The following FGF18 variants were observed in gnomAD, a reference collection of about 807,000 sequenced individuals.
FGF18 encodes the protein fibroblast growth factor 18.
In FGF18, 5 loss-of-function variants were observed where a neutral mutation model predicts 23.0. That is an observed-to-expected ratio of 0.22 (90% CI 0.11 to 0.46). FGF18 has a LOEUF of 0.46. Among genes scored for constraint, FGF18 ranks in the 20% least tolerant of loss-of-function variants. The pLI is 0.99. For missense variants in FGF18, 180 were observed against 291.6 expected (o/e 0.62, Z 2.79); for synonymous variants, 117 against 118.9 (o/e 0.98, Z 0.10).
intron 3 of FGF18, among the ~76,000 whole-genome samples, chr5:171,445,389 C>T (rs1453138442): frequency 1.3e-5 from 2 of 152,278 alleles, no homozygotes; most frequent in South Asian, 2.1e-4. Flanking sequence ...GATGGAGTCT[C>T]ACTCTTTCGC....
At chr5:171,454,480 C>T (rs972192478) in intron 4 of FGF18, among the ~76,000 whole-genome samples, 3 of 152,202 alleles carry the variant, frequency 2.0e-5, no homozygotes, top group Non-Finnish European at 2.9e-5. Context: ...TCGCTGCTCA[C>T]GCCACCCATA....
At position 171,420,114 on chromosome 5, in the gene FGF18, G is replaced by T; in HGVS notation, c.-86G>T. 1 of 1,172,952 alleles carries T rather than the reference G, an allele frequency of 8.5e-7. No homozygotes were observed. Among genetic ancestry groups the T allele is most frequent in the Non-Finnish European group, 1.1e-6 (1 of 920,236 alleles). 72.7% of individuals were successfully genotyped at this position (1,172,952 alleles called of 1,614,324 possible). Reference sequence around the variant, plus strand: ...AGCAGCAGCGGCGGCGGCGGCGGCGGCGGCGGCGGAGGCGCCCGGTCCCGG... The same window carrying T: ...AGCAGCAGCGGCGGCGGCGGCGGCGTCGGCGGCGGAGGCGCCCGGTCCCGG... On this transcript the variant is annotated 5_prime_UTR_variant, in exon 1 of 5. Transcript: ENST00000274625.
intron 4 of FGF18, among the ~76,000 whole-genome samples, chr5:171,454,471 C>A (rs1468519484): frequency 6.6e-6 from 1 of 152,196 alleles, no homozygotes; most frequent in Non-Finnish European, 1.5e-5. Context: ...AGTAGACCTT[C>A]GCTGCTCACG....
chr5:171,439,767 C>T (rs1256030832), intron 3 of FGF18, among the ~76,000 whole-genome samples: 2 of 152,122 alleles, frequency 1.3e-5, no homozygotes, highest in Non-Finnish European at 2.9e-5. Flanking sequence ...GCCAGCTGAG[C>T]CCACACGCAG....
chr5:171,454,973 C>T (rs1251039253), intron 4 of FGF18, among the ~76,000 whole-genome samples: 1 of 152,266 alleles, frequency 6.6e-6, no homozygotes, highest in Non-Finnish European at 1.5e-5. Flanking sequence ...CTGTCGGGAA[C>T]AGCTGCCGTT....
intron 4 of FGF18, among the ~76,000 whole-genome samples, chr5:171,454,088 G>A (rs1454788294): frequency 2.0e-5 from 3 of 152,144 alleles, no homozygotes; most frequent in African/African-American, 7.2e-5. Flanking sequence ...TTGGGGCATG[G>A]GGAGGAGAAA....
chr5:171,442,466 G>A (rs1325138237), intron 3 of FGF18, among the ~76,000 whole-genome samples: 1 of 152,212 alleles, frequency 6.6e-6, no homozygotes, highest in Non-Finnish European at 1.5e-5. Context: ...AGAGCAGCCA[G>A]CAGCTCTGTC....
Position 171,456,776 on chromosome 5 carries a change from C to T in FGF18, c.595C>T (p.Arg199Cys), listed in dbSNP as rs772362026. The T allele has an allele frequency of 9.3e-6, 15 of 1,613,876 alleles. No individual in the cohort carries two copies. The highest frequency in any genetic ancestry group is 4.5e-5 in the East Asian group (2 of 44,870). Residue 199 changes from arginine (R) to cysteine (C), a missense_variant, in exon 5 of 5, where the codon CGT becomes TGT. Transcript: ENST00000274625. This position sits in a 1 kb window ranked among gnomAD's most constrained non-coding sequence, Gnocchi z 6.1. ...FKYTTVTKRS[R>C]RIRPTHPA ...GTACACGACGGTGACCAAGAGGTCC[C>T]GTCGGATCCGGCCCACACACCCTGC...
intron 2 of FGF18, among the ~76,000 whole-genome samples, chr5:171,433,222 C>G (rs763674577): frequency 6.6e-6 from 1 of 152,174 alleles, no homozygotes; most frequent in African/African-American, 2.4e-5. Context: ...AAGTGCCACC[C>G]GATAGCCCCT....
intron 2 of FGF18, among the ~76,000 whole-genome samples, chr5:171,435,709 C>CCG (rs2113343760): frequency 6.6e-6 from 1 of 152,260 alleles, no homozygotes; most frequent in Non-Finnish European, 1.5e-5. Flanking sequence ...ACTTTTCTTC[C>CCG]CGTTTGCTCA....
At chr5:171,430,146 C>G (rs888640711) in intron 2 of FGF18, among the ~76,000 whole-genome samples, 1 of 151,940 alleles carries the variant, frequency 6.6e-6, no homozygotes, top group African/African-American at 2.4e-5. Context: ...ATCATGAGGT[C>G]AGGAGTTCAA....
chr5:171,436,167 C>T lies in FGF18; in HGVS notation c.144C>T (p.Ser48=). The T allele has an allele frequency of 6.2e-7, 1 of 1,606,914 alleles. No homozygotes were observed. The highest frequency in any genetic ancestry group is 8.5e-7 in the Non-Finnish European group (1 of 1,175,716). Residue 48 remains serine, a synonymous_variant, in exon 3 of 5, where the codon AGC becomes AGT. Coordinates refer to ENST00000274625, the MANE Select transcript of FGF18 (RefSeq NM_003862.3). This position sits in a 1 kb window ranked among gnomAD's most constrained non-coding sequence, Gnocchi z 4.4. ...ENQTRARDDV[S]RKQLRLYQLY... ...AGACGCGGGCTCGGGACGATGTGAG[C>T]CGTAAGCAGCTGCGGCTGTACCAGC...
At chr5:171,443,593 A>G (rs1581276968) in intron 3 of FGF18, among the ~76,000 whole-genome samples, 1 of 114,852 alleles carries the variant, frequency 8.7e-6, no homozygotes, top group East Asian at 2.7e-4. Context: ...CTTGTGATCC[A>G]CCCACCTTGG....
intron 2 of FGF18, 119 bp from the exon 3 acceptor site, chr5:171,435,974 G>A (rs975848115): frequency 3.2e-5 from 24 of 760,766 alleles, no homozygotes; most frequent in Admixed American, 2.4e-4. Flanking sequence ...TGTGTGCCAC[G>A]GCCTGGCTCA....
chr5:171,453,375 C>T (rs1287321397), intron 4 of FGF18, among the ~76,000 whole-genome samples: 1 of 152,224 alleles, frequency 6.6e-6, no homozygotes, highest in Admixed American at 6.5e-5. Flanking sequence ...TAAGTAAACC[C>T]AGACATGCAT....
intron 1 of FGF18, 78 bp downstream of exon 1, chr5:171,420,309 C>A: frequency 6.2e-7 from 1 of 1,606,394 alleles, no homozygotes; most frequent in Non-Finnish European, 8.5e-7. Flanking sequence ...TCTGTCTGCC[C>A]GCCCGTCGGT....
chr5:171,425,651 C>T (rs1411472853), intron 2 of FGF18, among the ~76,000 whole-genome samples: 1 of 151,932 alleles, frequency 6.6e-6, no homozygotes, highest in Non-Finnish European at 1.5e-5. Context: ...CTGCTTCAGC[C>T]TCCCGAGTAG....
intron 2 of FGF18, among the ~76,000 whole-genome samples, chr5:171,421,088 C>G (rs904132090): frequency 2.0e-5 from 3 of 152,242 alleles, no homozygotes; most frequent in Admixed American, 1.3e-4. Flanking sequence ...GGTTCGCTCG[C>G]TCTCCGTGAA....
chr5:171,420,507 T>G, intron 2 of FGF18, 64 bp downstream of exon 2: 1 of 1,479,430 alleles, frequency 6.8e-7, no homozygotes, highest in Admixed American at 1.7e-5. Context: ...CGACCCCCCT[T>G]CCCCGGCCGC....
Sources: gnomAD v4.1 joint callset for allele counts (sites outside exome capture counted in the v4.1 genomes callset) on GRCh38, gnomAD v4.1.1 for gene constraint, Gnocchi (gnomAD v3.1) non-coding constraint, MANE v1.5 for transcripts, NCBI Gene and HGNC (gene_info 2026-07-23, HGNC 2026-07-21) for gene names.